Variants in DEPDC5 observed in about 807,000 individuals in gnomAD.
DEPDC5 encodes DEP domain containing 5, GATOR1 subcomplex subunit, also known as GATOR1 complex protein DEPDC5.
A neutral mutation model predicts 217.3 loss-of-function variants in DEPDC5; 73 were observed. The observed-to-expected ratio is 0.34, with a 90% confidence interval of 0.28 to 0.41. The LOEUF is 0.41. Among genes scored for constraint, DEPDC5 ranks in the 10% least tolerant of loss-of-function variants. The pLI, the probability that DEPDC5 is intolerant of heterozygous loss-of-function variation, is 1.00. For synonymous variants in DEPDC5, 733 were observed against 756.7 expected, an observed-to-expected ratio of 0.97 and a Z score of 0.51; for missense variants, 1,675 against 2,070.1, an observed-to-expected ratio of 0.81 and a Z score of 3.70.
At chr22:31,877,010 GTGCA>G (rs1569177966) in intron 37 of DEPDC5, among the ~76,000 whole-genome samples, 1 of 151,974 alleles carries the variant, frequency 6.6e-6, no homozygotes. Context: ...GGGTGTGGTG[GTGCA>G]TGCATGTAAT....
At chr22:31,790,691 A>G (rs1318330145) in intron 10 of DEPDC5, among the ~76,000 whole-genome samples, 1 of 150,846 alleles carries the variant, frequency 6.6e-6, no homozygotes, top group Non-Finnish European at 1.5e-5. Context: ...AGGCAAGTGG[A>G]TCACTTGAGC....
intron 31 of DEPDC5, among the ~76,000 whole-genome samples, chr22:31,847,574 A>G (rs2091813828): frequency 6.6e-6 from 1 of 152,198 alleles, no homozygotes; most frequent in African/African-American, 2.4e-5. Context: ...AAGGTAGGGG[A>G]AAAGCCCCTT....
At chr22:31,834,485 A>G (rs941108903) in intron 25 of DEPDC5, among the ~76,000 whole-genome samples, 8 of 151,646 alleles carry the variant, frequency 5.3e-5, no homozygotes, top group East Asian at 1.9e-4. Flanking sequence ...GCTGTGACCA[A>G]TGGATGTATA....
At chr22:31,784,199 T>A in intron 9 of DEPDC5, 1 of 413,532 alleles carries the variant, frequency 2.4e-6, no homozygotes, top group Non-Finnish European at 4.3e-6. Context: ...CTGCATTGTA[T>A]GTTGAAGTCA....
chr22:31,791,523 T>TGGAGGCTAGGCAGGAGGCTA (rs1020525308), intron 10 of DEPDC5, among the ~76,000 whole-genome samples: 1 of 149,442 alleles, frequency 6.7e-6, no homozygotes. Context: ...CTAGCTACTC[T>TGGAGGCTAGGCAGGAGGCTA]GGAGGCTGAG....
chr22:31,786,032 C>T (rs1025139274), intron 10 of DEPDC5, among the ~76,000 whole-genome samples: 34 of 151,836 alleles, frequency 2.2e-4, no homozygotes, highest in Non-Finnish European at 4.0e-4. Flanking sequence ...TTTGGGAGGC[C>T]GAGGTGGGCG....
At chr22:31,854,318 A>G (rs1490814106) in intron 31 of DEPDC5, among the ~76,000 whole-genome samples, 1 of 152,262 alleles carries the variant, frequency 6.6e-6, no homozygotes, top group South Asian at 2.1e-4. Flanking sequence ...CGTGTGCATC[A>G]GATGACAAAT....
At chr22:31,854,175 G>A (rs1427530435) in intron 31 of DEPDC5, among the ~76,000 whole-genome samples, 1 of 152,184 alleles carries the variant, frequency 6.6e-6, no homozygotes, top group Non-Finnish European at 1.5e-5. Flanking sequence ...GTGGTTTTGT[G>A]GCAGTCCCCT....
intron 41 of DEPDC5, among the ~76,000 whole-genome samples, chr22:31,903,473 C>CG (rs1569247687): frequency 2.6e-5 from 1 of 38,972 alleles, no homozygotes. Context: ...ACCTAAACCC[C>CG]CTCACCTTCC....
intron 31 of DEPDC5, among the ~76,000 whole-genome samples, chr22:31,848,455 A>G (rs2091862859): frequency 6.6e-6 from 1 of 152,228 alleles, no homozygotes; most frequent in Non-Finnish European, 1.5e-5. Flanking sequence ...CTGCAGGCTC[A>G]ACACCACATA....
At position 31,771,509 on chromosome 22, in the gene DEPDC5, C is replaced by T. The variant is rs576054504; in HGVS notation, c.413+2646C>T. The stretch of plus-strand genomic sequence containing the variant: ...GACTGAGGCAGGCAGATCACGAGAT[C>T]AGGAGATCGAGACCATCCTGGGTAA... On this transcript the variant is annotated intron_variant, in intron 7 of 42. Coordinates refer to ENST00000651528, the MANE Select transcript of DEPDC5 (RefSeq NM_001242896.3). Among the ~76,000 whole-genome samples, 4 of 152,064 alleles carry T rather than the reference C, an allele frequency of 2.6e-5. No homozygotes were observed. In the East Asian group the frequency reaches 7.7e-4, roughly 29 times the overall value.
chr22:31,767,786 A>C (rs2082948850), intron 6 of DEPDC5, among the ~76,000 whole-genome samples: 1 of 149,928 alleles, frequency 6.7e-6, no homozygotes, highest in Admixed American at 6.7e-5. Context: ...TCGCTCTGTC[A>C]CCCAGGCTGG....
At chr22:31,823,078 A>G in intron 24 of DEPDC5, 1 of 376,204 alleles carries the variant, frequency 2.7e-6, no homozygotes, top group South Asian at 2.4e-5. Context: ...AACACCATGG[A>G]CAGAGCTGGA....
intron 7 of DEPDC5, among the ~76,000 whole-genome samples, chr22:31,772,917 G>T (rs950041774): frequency 1.3e-5 from 2 of 152,008 alleles, no homozygotes; most frequent in African/African-American, 4.8e-5. Flanking sequence ...GAATAGCTGG[G>T]ACTACAGGAA....
chr22:31,765,259 G>A (rs1003684852), intron 5 of DEPDC5, among the ~76,000 whole-genome samples, 199 bp downstream of exon 5: 36 of 152,108 alleles, frequency 2.4e-4, no homozygotes, highest in Admixed American at 2.1e-3. Flanking sequence ...ACCAGCCTGA[G>A]CAGCATAGTT....
intron 23 of DEPDC5, among the ~76,000 whole-genome samples, chr22:31,822,488 G>A (rs2089789157): frequency 6.6e-6 from 1 of 152,160 alleles, no homozygotes; most frequent in Non-Finnish European, 1.5e-5. Context: ...GGGTGCCAGG[G>A]TCACAAGGAG....
chr22:31,795,735 T>A (rs2086170435), intron 12 of DEPDC5, among the ~76,000 whole-genome samples: 1 of 140,822 alleles, frequency 7.1e-6, no homozygotes, highest in Non-Finnish European at 1.5e-5. Context: ...TTTCATTTCC[T>A]TTTTTTTTTT....
intron 36 of DEPDC5, chr22:31,875,232 T>A (rs1367710679): frequency 6.0e-6 from 1 of 167,082 alleles, no homozygotes. Context: ...GCCTTTGCCG[T>A]ATACACTCTC....
intron 14 of DEPDC5, among the ~76,000 whole-genome samples, chr22:31,798,984 C>T (rs994707717): frequency 2.0e-5 from 3 of 151,710 alleles, no homozygotes; most frequent in African/African-American, 7.3e-5. Flanking sequence ...AAGGATTGTT[C>T]ATCTTTGTGT....
Sources: gnomAD v4.1 joint callset for allele counts (sites outside exome capture counted in the v4.1 genomes callset) on GRCh38, gnomAD v4.1.1 for gene constraint, MANE v1.5 for transcripts, NCBI Gene and HGNC (gene_info 2026-07-23, HGNC 2026-07-21) for gene names.